Variants in KIRREL3 observed in about 807,000 individuals in gnomAD.
The protein encoded by KIRREL3 is kin of IRRE-like protein 3.
In KIRREL3, 36 loss-of-function variants were observed where a neutral mutation model predicts 89.7. That is an observed-to-expected ratio of 0.40 (90% CI 0.31 to 0.53). KIRREL3 has a LOEUF of 0.53. Among genes scored for constraint, KIRREL3 ranks in the 20% least tolerant of loss-of-function variants. The probability of loss-of-function intolerance (pLI) is 0.49; values close to 1 mark genes in which losing one functional copy is unlikely to be tolerated. For missense variants in KIRREL3, 864 were observed against 1,056.6 expected (o/e 0.82, Z 2.53); for synonymous variants, 445 against 441.4 (o/e 1.01, Z -0.10).
rs2135286255 is a variant in KIRREL3, at chr11:126,994,113, A to C, written c.55+6342T>G. 6.6e-6 allele frequency among the ~76,000 whole-genome samples: 1 copy of C among 152,090 alleles called. No homozygotes were observed. The highest frequency in any genetic ancestry group is 1.9e-4 in the East Asian group (1 of 5,176). ...GCTTTGCCTATGAAGACAGGCAAAG[A>C]GTAGGGTGAGAGCATAGCTCCCATT... On this transcript the variant is annotated intron_variant, in intron 1 of 16. Transcript: ENST00000525144. This position sits in a 1 kb window ranked among gnomAD's most constrained non-coding sequence, Gnocchi z 5.2.
intron 1 of KIRREL3, among the ~76,000 whole-genome samples, chr11:126,745,919 A>G (rs1427424307): frequency 6.6e-6 from 1 of 152,214 alleles, no homozygotes. Flanking sequence ...AAAGGGGCAC[A>G]CTAGTGGTTA....
rs1950765677 is a variant in KIRREL3 at position 126,795,166 on chromosome 11, T to G, written c.55+205289A>C. 2.0e-5 allele frequency among the ~76,000 whole-genome samples: 3 copies of G among 152,160 alleles called. No individual in the cohort carries two copies. Among genetic ancestry groups the G allele is most frequent in the Admixed American group, 1.3e-4 (2 of 15,282 alleles). ...GTATGATCATGTAATGGTGGATACA[T>G]GTCATCACACATTTGGCCAAGCCCA... On this transcript the variant is annotated intron_variant, in intron 1 of 16. Transcript: ENST00000525144. This position sits in a 1 kb window ranked among gnomAD's most constrained non-coding sequence, Gnocchi z 4.1.
At position 126,694,432 on chromosome 11, in the gene KIRREL3, C is replaced by A. The variant is rs951617596; in HGVS notation, c.56-131520G>T. On this transcript the variant is annotated intron_variant, in intron 1 of 16. Coordinates refer to ENST00000525144, the MANE Select transcript of KIRREL3 (RefSeq NM_032531.4). This position sits in a 1 kb window ranked among gnomAD's most constrained non-coding sequence, Gnocchi z 4.4. ...GTCTGATTGTGTCAGCATCACGCTCCGTGACATTTAAAAGTGGGGAAGGAA... is the reference window on the plus strand; with the variant it reads ...GTCTGATTGTGTCAGCATCACGCTCAGTGACATTTAAAAGTGGGGAAGGAA... 3.9e-5 allele frequency among the ~76,000 whole-genome samples: 6 copies of A among 152,120 alleles called. No individual in the cohort carries two copies. The highest frequency in any genetic ancestry group is 1.2e-4 in the African/African-American group (5 of 41,424).
At chr11:126,711,863 T>C (rs553707767) in intron 1 of KIRREL3, among the ~76,000 whole-genome samples, 3 of 152,138 alleles carry the variant, frequency 2.0e-5, no homozygotes, top group South Asian at 2.1e-4. Flanking sequence ...GCCTGAAGCA[T>C]GGGCGGCGGT....
rs1949894279 is a variant in KIRREL3, at chr11:126,768,152, C to A, written c.56-205240G>T. Among the ~76,000 whole-genome samples, 1 of 130,590 alleles carries A rather than the reference C, an allele frequency of 7.7e-6. No individual in the cohort carries two copies. The highest frequency in any genetic ancestry group is 2.8e-4 in the South Asian group (1 of 3,528). 85.7% of individuals were successfully genotyped at this position (130,590 alleles called of 152,430 possible). A position where few individuals can be genotyped will look rare whatever the true frequency, so the allele number is the denominator to read the frequency against. On this transcript the variant is annotated intron_variant, in intron 1 of 16. Coordinates refer to ENST00000525144, the MANE Select transcript of KIRREL3 (RefSeq NM_032531.4). This position sits in a 1 kb window ranked among gnomAD's most constrained non-coding sequence, Gnocchi z 4.5. ...TCCATCTATCCATCCATCCATCCAT[C>A]CATCCATCCATCCATCCAATCCATC...
rs1262137737 is a variant in KIRREL3 at position 126,876,937 on chromosome 11, G to A, written c.55+123518C>T. The stretch of plus-strand genomic sequence containing the variant: ...GTAGATTGCAGAAACCTATAAGACA[G>A]ACTATCACTGAACTCATAAAAAAAG... On this transcript the variant is annotated intron_variant, in intron 1 of 16. Coordinates refer to ENST00000525144, the MANE Select transcript of KIRREL3 (RefSeq NM_032531.4). This position sits in a 1 kb window ranked among gnomAD's most constrained non-coding sequence, Gnocchi z 4.1. Among the ~76,000 whole-genome samples the A allele has an allele frequency of 6.6e-6, 1 of 152,156 alleles. No individual in the cohort carries two copies. The highest frequency in any genetic ancestry group is 6.5e-5 in the Admixed American group (1 of 15,272).
Position 126,684,150 on chromosome 11 carries a change from C to G in KIRREL3, c.56-121238G>C, listed in dbSNP as rs952278893. On this transcript the variant is annotated intron_variant, in intron 1 of 16. Coordinates refer to ENST00000525144, the MANE Select transcript of KIRREL3 (RefSeq NM_032531.4). The surrounding 1 kb of genome is among the most constrained non-coding windows in gnomAD (Gnocchi z 4.2). ...CTGCCCAGAGCCCTGGAACTGGACT[C>G]TCCCTGTGCAGGGCTGATGGGAAGG... Among the ~76,000 whole-genome samples, 5 of 152,208 alleles carry G rather than the reference C, an allele frequency of 3.3e-5. No individual in the cohort carries two copies. The highest frequency in any genetic ancestry group is 7.2e-5 in the African/African-American group (3 of 41,464).
chr11:126,882,962 A>C (rs756169673), intron 1 of KIRREL3, among the ~76,000 whole-genome samples: 1 of 152,204 alleles, frequency 6.6e-6, no homozygotes, highest in Non-Finnish European at 1.5e-5. Context: ...GTGAGTGTTT[A>C]GATAGACCCA....
upstream of KIRREL3, among the ~76,000 whole-genome samples, chr11:127,001,651 C>T: frequency 6.6e-6 from 1 of 152,226 alleles, no homozygotes; most frequent in East Asian, 1.9e-4. Context: ...AATTCACACT[C>T]CACACTCAAA....
At chr11:126,720,657 A>G (rs1402373061) in intron 1 of KIRREL3, among the ~76,000 whole-genome samples, 3 of 152,228 alleles carry the variant, frequency 2.0e-5, no homozygotes, top group African/African-American at 7.2e-5. Flanking sequence ...TTGAGAGCGA[A>G]TGAGAGTTAT....
At chr11:126,452,022 C>T (rs552375567) in intron 7 of KIRREL3, among the ~76,000 whole-genome samples, 124 of 152,208 alleles carry the variant, frequency 8.1e-4, no homozygotes, top group Admixed American at 2.2e-3. Flanking sequence ...CCACAAACGC[C>T]GTCTCCTGCC....
rs1019880097 is a variant in KIRREL3, at chr11:126,520,185, G to C, written c.433+1130C>G. ...ACATGCTTTTAAATATTTCATCTCTGAGCAGCTGTGTGCTTTAGCTGCCAG... is the reference window on the plus strand; with the variant it reads ...ACATGCTTTTAAATATTTCATCTCTCAGCAGCTGTGTGCTTTAGCTGCCAG... On this transcript the variant is annotated intron_variant, in intron 4 of 16. Coordinates refer to ENST00000525144, the MANE Select transcript of KIRREL3 (RefSeq NM_032531.4). The surrounding 1 kb of genome is among the most constrained non-coding windows in gnomAD (Gnocchi z 4.9). Among the ~76,000 whole-genome samples the C allele has an allele frequency of 6.6e-6, 1 of 152,184 alleles. No homozygotes were observed. Among genetic ancestry groups the C allele is most frequent in the Non-Finnish European group, 1.5e-5 (1 of 68,042 alleles).
chr11:126,894,542 C>CAAAAAAAAAAAAAAAAAAAA (rs10630231), intron 1 of KIRREL3, among the ~76,000 whole-genome samples: 2 of 17,480 alleles, frequency 1.1e-4, no homozygotes, highest in African/African-American at 2.5e-4. Context: ...GACCTCATCT[C>CAAAAAAAAAAAAAAAAAAAA]AAAAAAAAAA....
chr11:126,649,741 G>A (rs879616573), intron 1 of KIRREL3, among the ~76,000 whole-genome samples: 1 of 152,114 alleles, frequency 6.6e-6, no homozygotes, highest in Non-Finnish European at 1.5e-5. Context: ...CCAGGTGAAC[G>A]GTGCAAGCTG....
intron 1 of KIRREL3, among the ~76,000 whole-genome samples, chr11:126,781,332 G>A (rs188190110): frequency 7.9e-5 from 12 of 152,092 alleles, no homozygotes; most frequent in African/African-American, 1.2e-4. Flanking sequence ...ACACATACTC[G>A]TTACAGAAAG....
chr11:126,923,176 C>CTTCTTCTTCTTCTTCTCT lies in KIRREL3; in HGVS notation c.55+77278_55+77279insAGAGAAGAAGAAGAAGAA, dbSNP rs766266024. ...TCTTCTTCTTCTTCTTCTTCTTCTT[C>CTTCTTCTTCTTCTTCTCT]TCTTCTTCTTCTCTTCTTCTTCTTC... On this transcript the variant is annotated intron_variant, in intron 1 of 16. Coordinates refer to ENST00000525144, the MANE Select transcript of KIRREL3 (RefSeq NM_032531.4). 1.4e-3 allele frequency among the ~76,000 whole-genome samples: 26 copies of CTTCTTCTTCTTCTTCTCT among 17,990 alleles called. 8 individuals are homozygous for CTTCTTCTTCTTCTTCTCT. Among genetic ancestry groups the CTTCTTCTTCTTCTTCTCT allele is most frequent in the South Asian group, 5.4e-3 (2 of 372 alleles). 11.8% of individuals were successfully genotyped at this position (17,990 alleles called of 152,430 possible). A position where few individuals can be genotyped will look rare whatever the true frequency, so the allele number is the denominator to read the frequency against.
In KIRREL3 at chr11:126,815,946, C is replaced by T. The variant is rs544325623; in HGVS notation, c.55+184509G>A. Among the ~76,000 whole-genome samples, 21 of 152,274 alleles carry T rather than the reference C, an allele frequency of 1.4e-4. No homozygotes were observed. In the East Asian group the frequency reaches 2.1e-3, roughly 15 times the overall value. ...CACGACGACAGTTTTAACTGGCTTA[C>T]GTAAAGTTCTTACAGATCCAGAGCT... On this transcript the variant is annotated intron_variant, in intron 1 of 16. Coordinates refer to ENST00000525144, the MANE Select transcript of KIRREL3 (RefSeq NM_032531.4).
At chr11:126,596,159 C>T (rs1171816665) in intron 1 of KIRREL3, among the ~76,000 whole-genome samples, 4 of 152,170 alleles carry the variant, frequency 2.6e-5, no homozygotes, top group South Asian at 2.1e-4. Context: ...TCACCAATCT[C>T]GAGAGTCACC....
In KIRREL3 at chr11:126,724,293, C is replaced by T. The variant is rs1056064759; in HGVS notation, c.56-161381G>A. ...AGGTTGGTTCATTTTCTTTCAAACA[C>T]CTGTGCTGTAATATGCTAACCTGAT... is the stretch of plus-strand genomic sequence containing the variant. On this transcript the variant is annotated intron_variant, in intron 1 of 16. Coordinates refer to ENST00000525144, the MANE Select transcript of KIRREL3 (RefSeq NM_032531.4). This position sits in a 1 kb window ranked among gnomAD's most constrained non-coding sequence, Gnocchi z 4.3. Among the ~76,000 whole-genome samples the T allele has an allele frequency of 6.6e-6, 1 of 152,224 alleles. No individual in the cohort carries two copies. Among genetic ancestry groups the T allele is most frequent in the Non-Finnish European group, 1.5e-5 (1 of 68,050 alleles).
Sources: gnomAD v4.1 joint callset for allele counts (sites outside exome capture counted in the v4.1 genomes callset) on GRCh38, gnomAD v4.1.1 for gene constraint, Gnocchi (gnomAD v3.1) non-coding constraint, MANE v1.5 for transcripts, NCBI Gene and HGNC (gene_info 2026-07-23, HGNC 2026-07-21) for gene names.